The following ATP8A2 variants were observed in gnomAD, a reference collection of about 807,000 sequenced individuals.
ATP8A2 encodes ATPase phospholipid transporting 8A2, also known as phospholipid-transporting ATPase IB.
A neutral mutation model predicts 165.6 loss-of-function variants in ATP8A2; 100 were observed. That is an observed-to-expected ratio of 0.60 (90% CI 0.51 to 0.71). ATP8A2 has a LOEUF of 0.71. ATP8A2 is among the 30% of genes least tolerant of loss of function. The probability of loss-of-function intolerance (pLI) is 0.00; values close to 1 mark genes in which losing one functional copy is unlikely to be tolerated. For synonymous variants in ATP8A2, 543 were observed against 548.8 expected (o/e 0.99, Z 0.15); for missense variants, 1,227 against 1,479.5 (o/e 0.83, Z 2.80).
chr13:25,592,052 A>T, intron 24 of ATP8A2, among the ~76,000 whole-genome samples: 1 of 147,536 alleles, frequency 6.8e-6, no homozygotes, highest in Non-Finnish European at 1.5e-5. Flanking sequence ...AATAGTAGCC[A>T]CTCTAATGGG....
intron 25 of ATP8A2, among the ~76,000 whole-genome samples, chr13:25,743,336 TG>T (rs2043958165): frequency 1.3e-5 from 1 of 78,004 alleles, no homozygotes; most frequent in Non-Finnish European, 3.0e-5. Flanking sequence ...GCCAACACCT[TG>T]ATCTACACCT....
chr13:25,785,086 C>G (rs374316317), intron 27 of ATP8A2, among the ~76,000 whole-genome samples: 1 of 151,248 alleles, frequency 6.6e-6, no homozygotes, highest in South Asian at 2.1e-4. Context: ...TGTGTTTAAC[C>G]CTATCTTTTG....
intron 1 of ATP8A2, among the ~76,000 whole-genome samples, chr13:25,407,805 C>T (rs1323469674): frequency 1.3e-5 from 2 of 152,112 alleles, no homozygotes; most frequent in Non-Finnish European, 2.9e-5. Context: ...TTTCCAAAGG[C>T]GATTGCAGTC....
Position 25,988,501 on chromosome 13 carries a change from TC to T in ATP8A2, c.3377+19823del, listed in dbSNP as rs568045217. Among the ~76,000 whole-genome samples the T allele has an allele frequency of 1.7e-4, 26 of 152,070 alleles. No individual in the cohort carries two copies. In the East Asian group the frequency reaches 5.0e-3, roughly 29 times the overall value. On this transcript the variant is annotated intron_variant, in intron 35 of 36. Coordinates refer to ENST00000381655, the MANE Select transcript of ATP8A2 (RefSeq NM_016529.6). Reference sequence around the variant, plus strand: ...TCAGCTGCACACACATTACTTTTTTTCTATGGCCTTTTCTGCATCTACCCAG... The same window carrying T: ...TCAGCTGCACACACATTACTTTTTTTTATGGCCTTTTCTGCATCTACCCAG...
chr13:25,695,997 A>G (rs2042826823), intron 24 of ATP8A2, among the ~76,000 whole-genome samples: 1 of 152,184 alleles, frequency 6.6e-6, no homozygotes, highest in Non-Finnish European at 1.5e-5. Context: ...TATGAAATCT[A>G]TTTCTTAAAT....
chr13:25,458,110 G>A (rs377685976), intron 1 of ATP8A2, among the ~76,000 whole-genome samples: 62 of 152,286 alleles, frequency 4.1e-4, no homozygotes, highest in African/African-American at 1.4e-3. Context: ...CCGTCTGCTT[G>A]GAGCCTCCAC....
In ATP8A2 at chr13:25,531,396, GA is replaced by G. The variant is rs1333827799; in HGVS notation, c.420+737del. Among the ~76,000 whole-genome samples the G allele has an allele frequency of 3.5e-3, 241 of 69,432 alleles. 4 individuals carry two copies. The highest frequency in any genetic ancestry group is 0.012 in the African/African-American group (108 of 9,202). 45.6% of individuals were successfully genotyped at this position (69,432 alleles called of 152,430 possible). ...TATGTTATATATATGATATATATAT[GA>G]TTATATATATGATTATATATATGAT... is the stretch of plus-strand genomic sequence containing the variant. On this transcript the variant is annotated intron_variant, in intron 4 of 36. Coordinates refer to ENST00000381655, the MANE Select transcript of ATP8A2 (RefSeq NM_016529.6).
chr13:25,554,529 ATG>A (rs71077486), intron 12 of ATP8A2, among the ~76,000 whole-genome samples: 14,073 of 140,102 alleles, frequency 0.1, 890 homozygotes, highest in African/African-American at 0.17. Context: ...GTGTGTGTGT[ATG>A]TGTGTGTGTG....
chr13:26,006,685 C>G, intron 35 of ATP8A2, among the ~76,000 whole-genome samples: 1 of 151,708 alleles, frequency 6.6e-6, no homozygotes, highest in East Asian at 1.9e-4. Context: ...AGGAATTTCC[C>G]TTATATCTTT....
At chr13:25,907,404 A>C (rs1006638913) in intron 33 of ATP8A2, among the ~76,000 whole-genome samples, 2 of 152,072 alleles carry the variant, frequency 1.3e-5, no homozygotes, top group Non-Finnish European at 2.9e-5. Context: ...GAGCTAAGTT[A>C]AAGTTGAATG....
In ATP8A2 at chr13:25,589,700, G is replaced by A; in HGVS notation, c.2211+1G>A. 6.3e-7 allele frequency: 1 copy of A among 1,598,952 alleles called. No homozygotes were observed. ...CCTATTGAAGGAGGACTCTTTGGAT[G>A]TAAGTAGTTTTTCAAAGTTGTATTT... On this transcript the variant is annotated splice_donor_variant, in intron 24 of 36. Transcript: ENST00000381655. LOFTEE classifies it high-confidence loss of function.
intron 30 of ATP8A2, among the ~76,000 whole-genome samples, chr13:25,842,399 G>A (rs373518966): frequency 6.6e-6 from 1 of 152,168 alleles, no homozygotes; most frequent in Non-Finnish European, 1.5e-5. Context: ...ATGTGGCTGG[G>A]CGTGGTGTCT....
At chr13:25,786,889 G>A (rs868262450) in intron 27 of ATP8A2, among the ~76,000 whole-genome samples, 23 of 151,684 alleles carry the variant, frequency 1.5e-4, no homozygotes, top group Non-Finnish European at 2.6e-4. Context: ...CCCAGTAGCT[G>A]GGATTACAGG....
In ATP8A2 at chr13:25,657,052, C is replaced by CAAAAAA. The variant is rs57955107; in HGVS notation, c.2212-42097_2212-42092dup. On this transcript the variant is annotated intron_variant, in intron 24 of 36. Coordinates refer to ENST00000381655, the MANE Select transcript of ATP8A2 (RefSeq NM_016529.6). ...TGGGTGACAGATCGAGACTCTGTCTCAAAAAAAAAAAAAAAAAAAAAAAAA... is the reference window on the plus strand; with the variant it reads ...TGGGTGACAGATCGAGACTCTGTCTCAAAAAAAAAAAAAAAAAAAAAAAAAAAAAAA... Among the ~76,000 whole-genome samples the CAAAAAA allele has an allele frequency of 1.5e-4, 10 of 67,730 alleles. 1 individual carries two copies. In the East Asian group the frequency reaches 2.1e-3, roughly 14 times the overall value. The allele number at this position is 67,730 out of a possible 152,430, so 44.4% of individuals were successfully genotyped here.
At chr13:25,573,309 A>T (rs2039520310) in intron 18 of ATP8A2, among the ~76,000 whole-genome samples, 1 of 152,024 alleles carries the variant, frequency 6.6e-6, no homozygotes, top group Admixed American at 6.6e-5. Flanking sequence ...CACAATGCCA[A>T]ATAAATGTGG....
chr13:25,868,301 A>G (rs1261859729), intron 33 of ATP8A2, among the ~76,000 whole-genome samples: 2 of 152,236 alleles, frequency 1.3e-5, no homozygotes, highest in Non-Finnish European at 2.9e-5. Flanking sequence ...GAATGAGCAT[A>G]TCTTAAGGTT....
At chr13:25,591,445 A>T (rs1226537170) in intron 24 of ATP8A2, 1 of 448,364 alleles carries the variant, frequency 2.2e-6, no homozygotes, top group South Asian at 1.6e-5. Flanking sequence ...ATGTAACATA[A>T]TGTCTTCAAG....
intron 33 of ATP8A2, among the ~76,000 whole-genome samples, chr13:25,928,960 C>G (rs1225986432): frequency 6.6e-6 from 1 of 152,136 alleles, no homozygotes; most frequent in Non-Finnish European, 1.5e-5. Flanking sequence ...AACACAGATG[C>G]CTCTCTTTTT....
At chr13:25,473,982 A>C (rs1489216479) in intron 2 of ATP8A2, among the ~76,000 whole-genome samples, 1 of 152,212 alleles carries the variant, frequency 6.6e-6, no homozygotes, top group East Asian at 1.9e-4. Flanking sequence ...TGTGATTAGC[A>C]GCATGCCATT....
Sources: gnomAD v4.1 joint callset for allele counts (sites outside exome capture counted in the v4.1 genomes callset) on GRCh38, gnomAD v4.1.1 for gene constraint, MANE v1.5 for transcripts, NCBI Gene and HGNC (gene_info 2026-07-23, HGNC 2026-07-21) for gene names.